Variants in SV2C observed in about 807,000 individuals in gnomAD.
The protein encoded by SV2C is synaptic vesicle glycoprotein 2C, also known as solute carrier family 22 member B3.
A neutral mutation model predicts 79.7 loss-of-function variants in SV2C; 49 were observed. That is an observed-to-expected ratio of 0.61 (90% CI 0.49 to 0.78). SV2C has a LOEUF of 0.78. SV2C is among the 30% of genes least tolerant of loss of function. The pLI, the probability that SV2C is intolerant of heterozygous loss-of-function variation, is 0.00. For synonymous variants in SV2C, 334 were observed against 333.2 expected, an observed-to-expected ratio of 1.00 and a Z score of -0.03; for missense variants, 833 against 912.9, an observed-to-expected ratio of 0.91 and a Z score of 1.13.
the SV2C span, among the ~76,000 whole-genome samples, chr5:76,061,372 G>A: frequency 2.0e-5 from 3 of 150,800 alleles, no homozygotes; most frequent in Admixed American, 6.6e-5. Flanking sequence ...ATTTCCAAAG[G>A]TCTGTAAAGG....
At chr5:76,008,129 C>G in the SV2C span, among the ~76,000 whole-genome samples, 1 of 152,150 alleles carries the variant, frequency 6.6e-6, no homozygotes, top group African/African-American at 2.4e-5. Flanking sequence ...GAAAATGTCT[C>G]CTCTTGCTTA....
chr5:76,310,558 C>T (rs1412303680), intron 12 of SV2C, among the ~76,000 whole-genome samples: 3 of 152,214 alleles, frequency 2.0e-5, no homozygotes, highest in Non-Finnish European at 2.9e-5. Context: ...AAAATGAAAT[C>T]CAATGTGGGG....
At chr5:76,351,115 G>T (rs1749633614) in intron 12 of SV2C, among the ~76,000 whole-genome samples, 1 of 152,126 alleles carries the variant, frequency 6.6e-6, no homozygotes, top group Non-Finnish European at 1.5e-5. Flanking sequence ...GGCCGGGGAA[G>T]GCAGCTTTCT....
In SV2C at chr5:76,325,693, C is replaced by A; in HGVS notation, c.*146C>A. ...CGTGCTGTGACTTAAAATTTAGAAG[C>A]ATATCATCTTGCCCCTTTGTGATTT... On this transcript the variant is annotated 3_prime_UTR_variant, in exon 13 of 13. Transcript: ENST00000502798. The A allele has an allele frequency of 1.7e-6, 2 of 1,147,488 alleles. No individual in the cohort carries two copies. The highest frequency in any genetic ancestry group is 2.4e-6 in the Non-Finnish European group (2 of 833,854). The allele number at this position is 1,147,488 out of a possible 1,614,324, so 71.1% of individuals were successfully genotyped here.
At chr5:76,283,881 C>T (rs1312628383) in intron 4 of SV2C, among the ~76,000 whole-genome samples, 1 of 152,180 alleles carries the variant, frequency 6.6e-6, no homozygotes, top group Non-Finnish European at 1.5e-5. Context: ...GTAACTTCAG[C>T]TCTGTGGCCT....
rs183835210 is a variant in SV2C at position 76,156,232 on chromosome 5, A to G, written c.580+23902A>G. The stretch of plus-strand genomic sequence containing the variant: ...ATTCAACAGCTAGGAATGGTCAGGG[A>G]AAGAGATAGTGAAACAGAATCTTGC... On this transcript the variant is annotated intron_variant, in intron 2 of 12. Coordinates refer to ENST00000502798, the MANE Select transcript of SV2C (RefSeq NM_014979.4). 8.5e-4 allele frequency among the ~76,000 whole-genome samples: 129 copies of G among 152,286 alleles called. 1 individual carries two copies. Among genetic ancestry groups the G allele is most frequent in the Non-Finnish European group, 1.2e-3 (85 of 68,016 alleles).
intron 4 of SV2C, among the ~76,000 whole-genome samples, chr5:76,267,928 G>C (rs1746718435): frequency 6.6e-6 from 1 of 152,162 alleles, no homozygotes; most frequent in Non-Finnish European, 1.5e-5. Context: ...GAACCACTTG[G>C]GGTGCTTGTT....
At chr5:75,904,787 C>T in the SV2C span, among the ~76,000 whole-genome samples, 6 of 152,318 alleles carry the variant, frequency 3.9e-5, no homozygotes, top group East Asian at 1.9e-4. Flanking sequence ...TTTAGTAAAT[C>T]CTCACTTAAA....
At chr5:76,256,664 TG>T in intron 4 of SV2C, among the ~76,000 whole-genome samples, 1 of 152,240 alleles carries the variant, frequency 6.6e-6, no homozygotes, top group Non-Finnish European at 1.5e-5. Context: ...GATTTGCCTT[TG>T]TGCAAATTGA....
intron 4 of SV2C, chr5:76,242,383 G>A: frequency 3.5e-6 from 3 of 851,264 alleles, no homozygotes; most frequent in Non-Finnish European, 5.6e-6. Context: ...GGTCGTTCTC[G>A]CCTCTTCTTC....
At chr5:76,002,188 A>G in the SV2C span, among the ~76,000 whole-genome samples, 1 of 144,208 alleles carries the variant, frequency 6.9e-6, no homozygotes, top group Admixed American at 6.9e-5. Context: ...ATATATATAT[A>G]TAATATTTTC....
intron 1 of SV2C, among the ~76,000 whole-genome samples, chr5:76,091,326 T>C (rs919187024): frequency 2.0e-5 from 3 of 152,204 alleles, no homozygotes; most frequent in African/African-American, 4.8e-5. Flanking sequence ...CTGACCCCAA[T>C]TGTGGCATTC....
intron 4 of SV2C, among the ~76,000 whole-genome samples, chr5:76,273,067 T>G (rs1460472632): frequency 6.6e-6 from 1 of 150,800 alleles, no homozygotes; most frequent in Non-Finnish European, 1.5e-5. Flanking sequence ...TGATATAAGC[T>G]TCAGTTGCAT....
At chr5:75,922,524 T>C in the SV2C span, among the ~76,000 whole-genome samples, 1 of 152,186 alleles carries the variant, frequency 6.6e-6, no homozygotes. Context: ...AGAATGTAAA[T>C]CAGTATAACC....
rs542132100 is a variant in SV2C at position 76,166,187 on chromosome 5, A to AT, written c.581-28726dup. On this transcript the variant is annotated intron_variant, in intron 2 of 12. Coordinates refer to ENST00000502798, the MANE Select transcript of SV2C (RefSeq NM_014979.4). ...TACCCCGTGGTCAAAAGTTTTATGC[A>AT]TTTTTTCAAAGTAAAGCAAATTCCT... Among the ~76,000 whole-genome samples, 25 of 152,296 alleles carry AT rather than the reference A, an allele frequency of 1.6e-4. No homozygotes were observed. In the East Asian group the frequency reaches 4.4e-3, roughly 27 times the overall value.
the SV2C span, among the ~76,000 whole-genome samples, chr5:76,034,918 A>G: frequency 6.6e-6 from 1 of 152,104 alleles, no homozygotes; most frequent in African/African-American, 2.4e-5. Flanking sequence ...TTATTGCCAC[A>G]CTTTCAGCTC....
At chr5:76,317,994 C>A (rs932801090) in intron 12 of SV2C, among the ~76,000 whole-genome samples, 6 of 151,970 alleles carry the variant, frequency 3.9e-5, no homozygotes, top group African/African-American at 1.5e-4. Context: ...TTCCTAGGAG[C>A]CTCAAAAAAA....
At chr5:76,317,091 G>T (rs114649503) in intron 12 of SV2C, among the ~76,000 whole-genome samples, 1 of 152,130 alleles carries the variant, frequency 6.6e-6, no homozygotes, top group Non-Finnish European at 1.5e-5. Flanking sequence ...ACAAATCTGC[G>T]TATTAGACAA....
At chr5:76,064,464 A>G in the SV2C span, among the ~76,000 whole-genome samples, 3 of 152,200 alleles carry the variant, frequency 2.0e-5, no homozygotes, top group Non-Finnish European at 4.4e-5. Context: ...AGCTGTTTCT[A>G]CTTGGAGTGA....
Sources: gnomAD v4.1 joint callset for allele counts (sites outside exome capture counted in the v4.1 genomes callset) on GRCh38, gnomAD v4.1.1 for gene constraint, MANE v1.5 for transcripts, NCBI Gene and HGNC (gene_info 2026-07-23, HGNC 2026-07-21) for gene names.